MIA3: variants seen among roughly 807,000 people sequenced by gnomAD.
MIA3 encodes transport and Golgi organization protein 1 homolog.
MIA3 carries 90 observed loss-of-function variants against 192.4 expected under a neutral mutation model. The ratio of observed to expected loss-of-function variants is 0.47; its 90% confidence interval spans 0.39 to 0.56. MIA3 has a LOEUF of 0.56. Ranked by LOEUF, MIA3 falls within the 20% of genes least tolerant of loss-of-function variation. The pLI is 0.00. For missense variants in MIA3, 2,123 were observed against 2,269.4 expected, an observed-to-expected ratio of 0.94 and a Z score of 1.31; for synonymous variants, 740 against 792.8, an observed-to-expected ratio of 0.93 and a Z score of 1.12.
At chr1:222,649,414 C>T (rs1369431107) in intron 8 of MIA3, 2 of 152,334 alleles carry the variant, frequency 1.3e-5, no homozygotes, top group East Asian at 1.9e-4. Flanking sequence ...CGTATTTTTA[C>T]ATCCTTATTC....
At chr1:222,632,370 A>C (rs754477725) in intron 5 of MIA3, 44 bp downstream of exon 5, 1 of 1,542,444 alleles carries the variant, frequency 6.5e-7, no homozygotes. Context: ...GAAATCATAA[A>C]GAAGGCCTTC....
intron 11 of MIA3, among the ~76,000 whole-genome samples, chr1:222,651,455 A>G (rs1273468534): frequency 6.6e-6 from 1 of 151,864 alleles, no homozygotes; most frequent in Admixed American, 6.6e-5. Flanking sequence ...TAAAAAGTGA[A>G]GGGTTATGCT....
At chr1:222,631,852 T>C (rs1159475332) in intron 4 of MIA3, among the ~76,000 whole-genome samples, 1 of 152,228 alleles carries the variant, frequency 6.6e-6, no homozygotes, top group Non-Finnish European at 1.5e-5. Context: ...ACATTTCTGC[T>C]CTTGAGTGGA....
At chr1:222,627,008 A>G (rs1272499789) in intron 3 of MIA3, among the ~76,000 whole-genome samples, 1 of 152,182 alleles carries the variant, frequency 6.6e-6, no homozygotes, top group Non-Finnish European at 1.5e-5. Context: ...GGAGTTGGGG[A>G]ACCCAATAAA....
intron 6 of MIA3, among the ~76,000 whole-genome samples, chr1:222,634,508 A>T (rs1196021582): frequency 2.0e-5 from 3 of 152,154 alleles, no homozygotes; most frequent in Non-Finnish European, 4.4e-5. Flanking sequence ...CACTTATGGC[A>T]GAATATTTAT....
chr1:222,623,742 C>A (rs1294648692), intron 2 of MIA3, among the ~76,000 whole-genome samples: 1 of 152,004 alleles, frequency 6.6e-6, no homozygotes, highest in East Asian at 1.9e-4. Context: ...TGCCAGCCTC[C>A]TCCTTTAATG....
At chr1:222,644,067 C>T (rs1448180284) in intron 6 of MIA3, among the ~76,000 whole-genome samples, 1 of 152,236 alleles carries the variant, frequency 6.6e-6, no homozygotes. Flanking sequence ...TCCCCAGCTG[C>T]CGCCCACAAT....
intron 1 of MIA3, among the ~76,000 whole-genome samples, chr1:222,618,978 G>T (rs1269942367): frequency 1.3e-5 from 2 of 152,192 alleles, no homozygotes; most frequent in Non-Finnish European, 2.9e-5. Context: ...CTGCTAGGCA[G>T]GACTGCAGGA....
At chr1:222,620,749 T>C (rs17163301) in intron 1 of MIA3, among the ~76,000 whole-genome samples, 87,372 of 152,108 alleles carry the variant, frequency 0.57, 27,669 homozygotes, top group Non-Finnish European at 0.71. Flanking sequence ...CATGCTTAAG[T>C]TAATCATCAT....
At chr1:222,644,427 C>G in intron 6 of MIA3, 1 of 1,549,672 alleles carries the variant, frequency 6.5e-7, no homozygotes, top group Non-Finnish European at 8.7e-7. Flanking sequence ...ACAGGGGGCC[C>G]AGTGCCATTC....
intron 6 of MIA3, among the ~76,000 whole-genome samples, chr1:222,642,996 G>T (rs1410569220): frequency 6.6e-6 from 1 of 152,126 alleles, no homozygotes; most frequent in Non-Finnish European, 1.5e-5. Context: ...CATTGCCAAA[G>T]TTTGATTATT....
At chr1:222,625,477 T>C (rs745774443) in intron 3 of MIA3, among the ~76,000 whole-genome samples, 2 of 152,254 alleles carry the variant, frequency 1.3e-5, no homozygotes, top group Non-Finnish European at 2.9e-5. Context: ...ATTTTAAGGA[T>C]ATAGAAATCA....
At chr1:222,623,786 C>CT (rs1661984751) in intron 2 of MIA3, among the ~76,000 whole-genome samples, 1 of 152,152 alleles carries the variant, frequency 6.6e-6, no homozygotes, top group South Asian at 2.1e-4. Flanking sequence ...CAGACAGTAG[C>CT]TAGTAAAAGA....
intron 18 of MIA3, among the ~76,000 whole-genome samples, chr1:222,658,166 T>C (rs1417689627): frequency 6.6e-6 from 1 of 152,250 alleles, no homozygotes; most frequent in Admixed American, 6.5e-5. Context: ...GTCTCGCTGC[T>C]TTATCATGAT....
rs534685506 is a variant in MIA3, at chr1:222,622,464, A to C, written c.267+1172A>C. Among the ~76,000 whole-genome samples the C allele has an allele frequency of 2.6e-5, 4 of 152,372 alleles. 1 individual carries two copies. In the South Asian group the frequency reaches 8.3e-4, roughly 32 times the overall value. Reference sequence around the variant, plus strand: ...TTTCACTGTCAGTAAAACACCAAACAAACAAAGAGAAAATAAGGCTTGAGA... The same window carrying C: ...TTTCACTGTCAGTAAAACACCAAACCAACAAAGAGAAAATAAGGCTTGAGA... On this transcript the variant is annotated intron_variant, in intron 2 of 27. Coordinates refer to ENST00000344922, the MANE Select transcript of MIA3 (RefSeq NM_198551.4).
chr1:222,662,047 T>C lies in MIA3; in HGVS notation c.5114-9T>C. The C allele has an allele frequency of 6.2e-7, 1 of 1,611,552 alleles. No homozygotes were observed. The highest frequency in any genetic ancestry group is 8.5e-7 in the Non-Finnish European group (1 of 1,178,032). ...ATACATATAAGGACTCTGTTATTTC[T>C]TTCTCAAGGATCAGTGGACGGGCCT... On this transcript the variant is annotated splice_polypyrimidine_tract_variant and intron_variant, in intron 24 of 27. Transcript: ENST00000344922.
chr1:222,664,785 A>T, intron 27 of MIA3: 1 of 245,414 alleles, frequency 4.1e-6, no homozygotes, highest in Non-Finnish European at 9.3e-6. Context: ...TAGTTAATGG[A>T]ATTTATCAAA....
Position 222,629,764 on chromosome 1 carries a change from A to G in MIA3, c.2544A>G (p.Lys848=). ...TPELGEVFQN[K]DSDYLKNDNP... Reference sequence around the variant, plus strand: ...AATTAGGTGAAGTGTTTCAGAATAAAGATTCTGATTATCTGAAGAACGACA... The same window carrying G: ...AATTAGGTGAAGTGTTTCAGAATAAGGATTCTGATTATCTGAAGAACGACA... The change falls in exon 4 of 28, where the codon AAA becomes AAG. Residue 848 remains lysine (K), a synonymous_variant. Coordinates refer to ENST00000344922, the MANE Select transcript of MIA3 (RefSeq NM_198551.4). The G allele has an allele frequency of 6.2e-7, 1 of 1,614,192 alleles. No homozygotes were observed. The highest frequency in any genetic ancestry group is 8.5e-7 in the Non-Finnish European group (1 of 1,180,022).
chr1:222,654,132 T>A (rs190176533), intron 15 of MIA3, 111 bp from the exon 16 acceptor site: 1 of 1,039,060 alleles, frequency 9.6e-7, no homozygotes, highest in East Asian at 2.4e-5. Flanking sequence ...TTTTTGTTTG[T>A]TCTTTAAATG....
Sources: allele counts gnomAD v4.1 joint callset (sites outside exome capture counted in the v4.1 genomes callset), GRCh38; gene constraint gnomAD v4.1.1; transcripts MANE v1.5; gene names NCBI Gene and HGNC (gene_info 2026-07-23, HGNC 2026-07-21).